The following LTA variants were observed in gnomAD, a reference collection of about 807,000 sequenced individuals.
The protein encoded by LTA is lymphotoxin alpha, also known as lymphotoxin-alpha.
A neutral mutation model predicts 15.1 loss-of-function variants in LTA; 6 were observed. The observed-to-expected ratio is 0.40, with a 90% CI of 0.22 to 0.78. The LOEUF is 0.78. Ranked by LOEUF, LTA falls within the 30% of genes least tolerant of loss-of-function variation. The pLI is 0.38. For missense variants in LTA, 173 were observed against 249.5 expected (o/e 0.69, Z 2.06); for synonymous variants, 87 against 107.3 (o/e 0.81, Z 1.17).
Position 31,572,485 on chromosome 6 carries a change from T to C in LTA, c.-10+39T>C, listed in dbSNP as rs1770887176. 3 of 574,488 alleles carry C rather than the reference T, an allele frequency of 5.2e-6. No homozygotes were observed. The South Asian group carries it at 6.8e-5, about 13-fold the overall frequency. The allele number at this position is 574,488 out of a possible 1,614,324, so 35.6% of individuals were successfully genotyped here. A position where few individuals can be genotyped will look rare whatever the true frequency, so the allele number is the denominator to read the frequency against. ...TGGTTTCCTTCTCTGTCTCTGACTCTCCATCTGTCAGTCTCATTGTCTCTG... is the reference window on the plus strand; with the variant it reads ...TGGTTTCCTTCTCTGTCTCTGACTCCCCATCTGTCAGTCTCATTGTCTCTG... On this transcript the variant is annotated intron_variant, in intron 1 of 3. Coordinates refer to ENST00000418386, the MANE Select transcript of LTA (RefSeq NM_000595.4).
In LTA at chr6:31,573,705, A is replaced by G; in HGVS notation, c.*12A>G. Reference sequence around the variant, plus strand: ...CCTTCGCTCTGTAGAACTTGGAAAAATCCAGAAAGAAAAAATAATTGATTT... The same window carrying G: ...CCTTCGCTCTGTAGAACTTGGAAAAGTCCAGAAAGAAAAAATAATTGATTT... On this transcript the variant is annotated 3_prime_UTR_variant, in exon 4 of 4. Transcript: ENST00000418386. 1 of 1,613,392 alleles carries G rather than the reference A, an allele frequency of 6.2e-7. No individual in the cohort carries two copies. Among genetic ancestry groups the G allele is most frequent in the Non-Finnish European group, 8.5e-7 (1 of 1,179,674 alleles).
the LTA span, among the ~76,000 whole-genome samples, chr6:31,564,404 C>T: frequency 6.6e-6 from 1 of 152,198 alleles, no homozygotes; most frequent in South Asian, 2.1e-4. Context: ...CTCAGCCTTC[C>T]GAGTAGCTGG....
chr6:31,573,595 C>T lies in LTA; in HGVS notation c.520C>T (p.Gln174Ter). The T allele has an allele frequency of 6.2e-7, 1 of 1,614,176 alleles. No homozygotes were observed. Among genetic ancestry groups the T allele is most frequent in the Non-Finnish European group, 8.5e-7 (1 of 1,180,022 alleles). Residue 174 changes from glutamine (Q) to a stop codon, truncating the protein, a stop_gained, in exon 4 of 4, where the codon CAG (glutamine) becomes TAG (stop). Transcript: ENST00000418386. LOFTEE classifies it high-confidence loss of function. The stretch of plus-strand genomic sequence containing the variant: ...CTCGATGTACCACGGGGCTGCGTTC[C>T]AGCTCACCCAGGGAGACCAGCTATC... ...LHSMYHGAAF[Q>*]LTQGDQLSTH... is the part of the protein sequence containing the mutation.
chr6:31,562,797 G>A, the LTA span, among the ~76,000 whole-genome samples: 1 of 146,312 alleles, frequency 6.8e-6, no homozygotes, highest in African/African-American at 2.6e-5. Context: ...GAGGCAGAGG[G>A]TGCAGTGAGC....
chr6:31,569,171 G>A (rs553468023), upstream of LTA, among the ~76,000 whole-genome samples: 8 of 152,072 alleles, frequency 5.3e-5, no homozygotes, highest in East Asian at 1.2e-3. Flanking sequence ...CACCATGCTC[G>A]GCTAATTTTT....
At chr6:31,562,944 G>A in the LTA span, among the ~76,000 whole-genome samples, 18 of 150,616 alleles carry the variant, frequency 1.2e-4, no homozygotes, top group South Asian at 8.4e-4. Context: ...GCAGACTATA[G>A]ATATCAGGAG....
At chr6:31,573,219 G>A in intron 3 of LTA, 62 bp from the exon 4 acceptor site, 3 of 1,521,578 alleles carry the variant, frequency 2.0e-6, no homozygotes, top group South Asian at 2.4e-5. Flanking sequence ...ACTTCCTCAG[G>A]GATTGAGACC....
At position 31,574,316 on chromosome 6, in the gene LTA, T is replaced by C. The variant is rs952083620; in HGVS notation, c.*623T>C. ...TCGATGAAGCCCAATAAACCTCTTT[T>C]CTCTGAAATGCTGTCTGCTTGTGTG... On this transcript the variant is annotated 3_prime_UTR_variant, in exon 4 of 4. Transcript: ENST00000418386. The C allele has an allele frequency of 9.9e-5, 17 of 171,826 alleles. No individual in the cohort carries two copies. Among genetic ancestry groups the C allele is most frequent in the Admixed American group, 5.6e-4 (10 of 17,740 alleles). The allele number at this position is 171,826 out of a possible 1,614,324, so 10.6% of individuals were successfully genotyped here.
upstream of LTA, among the ~76,000 whole-genome samples, chr6:31,571,061 C>CTT (rs9279358): frequency 1.5e-5 from 2 of 134,204 alleles, no homozygotes; most frequent in Non-Finnish European, 1.6e-5. Flanking sequence ...ATTTTGGAAA[C>CTT]TTTTTTTTTT....
At chr6:31,573,242 C>T (rs760265422) in intron 3 of LTA, 39 bp from the exon 4 acceptor site, 2 of 1,577,636 alleles carry the variant, frequency 1.3e-6, no homozygotes, top group Admixed American at 3.5e-5. Flanking sequence ...TGATCCAGAC[C>T]CCTGATCTCC....
the LTA span, among the ~76,000 whole-genome samples, chr6:31,566,300 T>A: frequency 6.6e-6 from 1 of 151,556 alleles, no homozygotes; most frequent in Admixed American, 6.6e-5. Context: ...GCTATGATGG[T>A]GCCATTGCAC....
At chr6:31,568,882 A>C (rs770345675), upstream of LTA, among the ~76,000 whole-genome samples, 14 of 151,726 alleles carry the variant, frequency 9.2e-5, no homozygotes, top group Non-Finnish European at 1.8e-4. The surrounding 1 kb of genome is among the most constrained non-coding windows in gnomAD (Gnocchi z 4.1). Context: ...ATGTCTCCCC[A>C]TCACCCTTCT....
At chr6:31,564,477 G>A in the LTA span, among the ~76,000 whole-genome samples, 97,341 of 151,424 alleles carry the variant, frequency 0.64, 31,645 homozygotes, top group African/African-American at 0.74. Context: ...TAGAGACGGG[G>A]TTTCACCTTG....
chr6:31,562,799 G>A, the LTA span, among the ~76,000 whole-genome samples: 15 of 144,122 alleles, frequency 1.0e-4, no homozygotes, highest in African/African-American at 3.4e-4. Flanking sequence ...GGCAGAGGGT[G>A]CAGTGAGCCG....
intron 3 of LTA, 80 bp from the exon 4 acceptor site, chr6:31,573,201 C>T (rs1366317810): frequency 1.4e-6 from 2 of 1,434,688 alleles, no homozygotes; most frequent in East Asian, 2.3e-5. Flanking sequence ...CTCAGTTGTT[C>T]AGTGCCCACT....
At chr6:31,567,645 AACACACACAC>A (rs9279356), upstream of LTA, among the ~76,000 whole-genome samples, 32 of 122,070 alleles carry the variant, frequency 2.6e-4, no homozygotes, top group Non-Finnish European at 3.7e-4. Context: ...TCTCCCCTGC[AACACACACAC>A]ACACACACAC....
the LTA span, among the ~76,000 whole-genome samples, chr6:31,562,002 G>A: frequency 6.6e-6 from 1 of 151,736 alleles, no homozygotes; most frequent in Non-Finnish European, 1.5e-5. Flanking sequence ...GAGCCTTTGA[G>A]TGGACAGGAT....
upstream of LTA, among the ~76,000 whole-genome samples, chr6:31,569,948 TC>T (rs1770748656): frequency 6.6e-6 from 1 of 152,032 alleles, no homozygotes; most frequent in African/African-American, 2.4e-5. Context: ...CTTGCTGGGA[TC>T]CCCCCAGTCC....
chr6:31,563,789 G>A, the LTA span, among the ~76,000 whole-genome samples: 1 of 152,096 alleles, frequency 6.6e-6, no homozygotes, highest in South Asian at 2.1e-4. Flanking sequence ...TGTATTTTTA[G>A]TAGAGATGGG....
Sources: allele counts gnomAD v4.1 joint callset (sites outside exome capture counted in the v4.1 genomes callset), GRCh38; gene constraint gnomAD v4.1.1; non-coding constraint Gnocchi (gnomAD v3.1); transcripts MANE v1.5; gene names NCBI Gene and HGNC (gene_info 2026-07-23, HGNC 2026-07-21).